Variants in MAST3 observed in about 807,000 individuals in gnomAD.
MAST3 encodes the protein microtubule-associated serine/threonine-protein kinase 3.
In MAST3, 43 loss-of-function variants were observed where a neutral mutation model predicts 127.0. The observed-to-expected ratio is 0.34, with a 90% CI of 0.27 to 0.44. The LOEUF (loss-of-function observed/expected upper bound fraction) is 0.44. Ranked by LOEUF, MAST3 falls within the 20% of genes least tolerant of loss-of-function variation. The probability of loss-of-function intolerance (pLI) is 1.00; values close to 1 mark genes in which losing one functional copy is unlikely to be tolerated. For missense variants in MAST3, 1,390 were observed against 1,919.1 expected, an observed-to-expected ratio of 0.72 and a Z score of 5.15; for synonymous variants, 785 against 809.2, an observed-to-expected ratio of 0.97 and a Z score of 0.51.
intron 1 of MAST3, chr19:18,099,035 T>G (rs574638141): frequency 1.3e-5 from 4 of 301,930 alleles, no homozygotes; most frequent in South Asian, 1.1e-4. Flanking sequence ...ATGAAAGAGG[T>G]TGACAGAAGC....
chr19:18,144,113 AAAGGCTTT>A lies in MAST3; in HGVS notation c.2584+110_2584+117del, dbSNP rs2042792618. 2 of 1,439,092 alleles carry A rather than the reference AAAGGCTTT, an allele frequency of 1.4e-6. No homozygotes were observed. The highest frequency in any genetic ancestry group is 5.0e-5 in the East Asian group (2 of 40,360). 89.1% of individuals were successfully genotyped at this position (1,439,092 alleles called of 1,614,324 possible). A position where few individuals can be genotyped will look rare whatever the true frequency, so the allele number is the denominator to read the frequency against. ...TGAGTAGGAGTTCTCCAGAGCCAAC[AAAGGCTTT>A]AAGAGAGGAGAAGCCAGGGTCCCAG... On this transcript the variant is annotated intron_variant, in intron 22 of 27. Transcript: ENST00000687212. This position sits in a 1 kb window ranked among gnomAD's most constrained non-coding sequence, Gnocchi z 4.0.
intron 27 of MAST3, among the ~76,000 whole-genome samples, chr19:18,148,830 G>T (rs1254752271): frequency 6.6e-6 from 1 of 151,984 alleles, no homozygotes; most frequent in Non-Finnish European, 1.5e-5. Flanking sequence ...TTCAACCTGG[G>T]AGGTGAAGGT....
At position 18,123,988 on chromosome 19, in the gene MAST3, C is replaced by T. The variant is rs1457074231; in HGVS notation, c.683C>T (p.Ala228Val). Residue 228 changes from alanine (A) to valine (V), a missense_variant, in exon 9 of 28, where the codon GCG (alanine) becomes GTG (valine). This residue lies in a region of MAST3 where 277 missense variants were observed against 384.8 expected (regional missense o/e 0.72). Transcript: ENST00000687212. ...GRLQEFLTAY[A>V]PGARLALADG... ...CTGCAGGAGTTCCTGACGGCCTACG[C>T]GCCCGGCGCCCGGCTGGCGCTGGCT... 29 of 1,589,130 alleles carry T rather than the reference C, an allele frequency of 1.8e-5. No homozygotes were observed. Among genetic ancestry groups the T allele is most frequent in the African/African-American group, 5.4e-5 (4 of 74,248 alleles).
Position 18,128,379 on chromosome 19 carries a change from GCCT to G in MAST3, c.1079-15_1079-13del. 1 of 1,541,038 alleles carries G rather than the reference GCCT, an allele frequency of 6.5e-7. No homozygotes were observed. Among genetic ancestry groups the G allele is most frequent in the Non-Finnish European group, 8.7e-7 (1 of 1,145,082 alleles). ...GGTGAGGCAGGGAGGCTCCAGCTGA[GCCT>G]CCTCCCTCATCTTGCAGAGATGGTG... On this transcript the variant is annotated intron_variant, in intron 11 of 27. Transcript: ENST00000687212.
At chr19:18,123,875 C>T in intron 8 of MAST3, 64 bp from the exon 9 acceptor site, 1 of 1,441,108 alleles carries the variant, frequency 6.9e-7, no homozygotes. Flanking sequence ...CTCTCCTGCC[C>T]CATTCTGCGT....
At position 18,112,147 on chromosome 19, in the gene MAST3, A is replaced by C. The variant is rs142750699; in HGVS notation, c.161+1406A>C. 6.6e-6 allele frequency among the ~76,000 whole-genome samples: 1 copy of C among 152,340 alleles called. No individual in the cohort carries two copies. The highest frequency in any genetic ancestry group is 2.4e-5 in the African/African-American group (1 of 41,584). On this transcript the variant is annotated intron_variant, in intron 3 of 27. Transcript: ENST00000687212. The surrounding 1 kb of genome is among the most constrained non-coding windows in gnomAD (Gnocchi z 4.1). ...ACTGCATGTGCAAAGGTCCTGTGGCAGGACTGAGGTGGTGGGTTTTTTGTT... is the reference window on the plus strand; with the variant it reads ...ACTGCATGTGCAAAGGTCCTGTGGCCGGACTGAGGTGGTGGGTTTTTTGTT...
intron 2 of MAST3, among the ~76,000 whole-genome samples, chr19:18,108,125 T>C (rs2146890182): frequency 6.6e-6 from 1 of 152,186 alleles, no homozygotes; most frequent in South Asian, 2.1e-4. Flanking sequence ...ACCCCGTCTC[T>C]ACTAAAAATA....
chr19:18,105,277 G>A (rs1252261012), intron 1 of MAST3, among the ~76,000 whole-genome samples: 1 of 152,122 alleles, frequency 6.6e-6, no homozygotes, highest in Non-Finnish European at 1.5e-5. Flanking sequence ...TGAGTCAGGA[G>A]AATCGCTTGA....
Position 18,137,264 on chromosome 19 carries a change from C to T in MAST3, c.1998C>T (p.His666=). ...GTGGTHEVKQ[H]PFFLALDWAG... is the part of the protein sequence containing the mutation. ...GTGGCACCCACGAAGTGAAGCAGCA[C>T]CCCTTTTTCCTGGCCCTGGACTGGG... The change falls in exon 19 of 28, where the codon CAC becomes CAT. Residue 666 remains histidine, a synonymous_variant. Coordinates refer to ENST00000687212, the MANE Select transcript of MAST3 (RefSeq NM_001393504.1). 3.1e-6 allele frequency: 5 copies of T among 1,613,808 alleles called. No individual in the cohort carries two copies. Among genetic ancestry groups the T allele is most frequent in the Non-Finnish European group, 4.2e-6 (5 of 1,179,792 alleles).
At chr19:18,123,821 A>T in intron 8 of MAST3, 118 bp from the exon 9 acceptor site, 1 of 1,068,754 alleles carries the variant, frequency 9.4e-7, no homozygotes, top group Non-Finnish European at 1.3e-6. Flanking sequence ...CAGCCCTCCC[A>T]CCCGATCGCC....
At chr19:18,142,304 G>T (rs2042574808) in intron 21 of MAST3, among the ~76,000 whole-genome samples, 1 of 149,446 alleles carries the variant, frequency 6.7e-6, no homozygotes, top group Non-Finnish European at 1.5e-5. Flanking sequence ...AGACCCAACA[G>T]AAACAGTCAA....
At chr19:18,111,695 C>T (rs1460821845) in intron 3 of MAST3, among the ~76,000 whole-genome samples, 1 of 152,038 alleles carries the variant, frequency 6.6e-6, no homozygotes, top group Non-Finnish European at 1.5e-5. Flanking sequence ...CCACCACATC[C>T]AGCTAATTTT....
intron 25 of MAST3, among the ~76,000 whole-genome samples, chr19:18,146,129 T>C (rs555451513): frequency 4.7e-4 from 72 of 151,606 alleles, no homozygotes; most frequent in African/African-American, 1.7e-3. Flanking sequence ...GGCCTGGAGG[T>C]AGGAGATGGG....
chr19:18,141,701 CT>C (rs1444084056), intron 20 of MAST3, among the ~76,000 whole-genome samples, 180 bp from the exon 21 acceptor site: 1 of 151,748 alleles, frequency 6.6e-6, no homozygotes, highest in East Asian at 1.9e-4. Flanking sequence ...ACCTTTGTTA[CT>C]GGTTTTTTTG....
intron 11 of MAST3, among the ~76,000 whole-genome samples, chr19:18,126,155 G>T (rs2147268196): frequency 6.6e-6 from 1 of 152,164 alleles, no homozygotes; most frequent in African/African-American, 2.4e-5. Flanking sequence ...TTGGCAGGTT[G>T]AGACTGCAGT....
At chr19:18,126,854 C>T (rs558104653) in intron 11 of MAST3, among the ~76,000 whole-genome samples, 2 of 152,022 alleles carry the variant, frequency 1.3e-5, no homozygotes, top group African/African-American at 2.4e-5. Context: ...GATCTTGGCT[C>T]ACTGCAAGCT....
intron 1 of MAST3, among the ~76,000 whole-genome samples, chr19:18,102,797 G>C (rs1432839589): frequency 2.0e-5 from 3 of 151,892 alleles, no homozygotes; most frequent in Non-Finnish European, 2.9e-5. Flanking sequence ...TTGATCTTAA[G>C]TGATCCTCCC....
chr19:18,134,250 A>T (rs954462002), intron 15 of MAST3, among the ~76,000 whole-genome samples: 4 of 152,112 alleles, frequency 2.6e-5, no homozygotes, highest in Admixed American at 2.6e-4. Flanking sequence ...ACACACACAC[A>T]TATACGCACA....
At chr19:18,128,339 T>C in intron 11 of MAST3, 61 bp from the exon 12 acceptor site, 1 of 1,407,178 alleles carries the variant, frequency 7.1e-7, no homozygotes, top group African/African-American at 1.4e-5. Flanking sequence ...CTCAGGAAAT[T>C]GCTGGGTGAT....
Sources: allele counts gnomAD v4.1 joint callset (sites outside exome capture counted in the v4.1 genomes callset), GRCh38; gene constraint gnomAD v4.1.1; regional missense constraint gnomAD v4.1.1; non-coding constraint Gnocchi (gnomAD v3.1); transcripts MANE v1.5; gene names NCBI Gene and HGNC (gene_info 2026-07-23, HGNC 2026-07-21).